Variants in RNPS1 observed in about 807,000 individuals in gnomAD.
RNPS1 encodes RNA binding protein with serine rich domain 1.
For synonymous variants in RNPS1, 147 were observed against 150.0 expected, an observed-to-expected ratio of 0.98 and a Z score of 0.15; for missense variants, 300 against 427.6, an observed-to-expected ratio of 0.70 and a Z score of 2.63.
chr16:2,267,528 C>G (rs191851339), intron 1 of RNPS1: 574 of 1,019,484 alleles, frequency 5.6e-4, no homozygotes, highest in Non-Finnish European at 6.6e-4. Context: ...GAAACGTTCG[C>G]GGAGTACACG....
chr16:2,254,099 A>G, intron 7 of RNPS1, 36 bp from the exon 8 acceptor site: 2 of 1,388,848 alleles, frequency 1.4e-6, no homozygotes, highest in South Asian at 1.5e-5. Context: ...AGAGTAGCTC[A>G]GGCTGTAGGG....
chr16:2,259,955 T>C (rs1219172215), intron 6 of RNPS1, among the ~76,000 whole-genome samples: 3 of 152,220 alleles, frequency 2.0e-5, no homozygotes, highest in Admixed American at 1.3e-4. Context: ...TAAACTGAAC[T>C]AATAGAACAC....
At chr16:2,263,060 C>CT (rs775997990) in intron 4 of RNPS1, 36 bp downstream of exon 4, 2 of 1,600,646 alleles carry the variant, frequency 1.2e-6, no homozygotes, top group South Asian at 1.1e-5. Context: ...TAGCCCCGAG[C>CT]TTGTAAACTT....
In RNPS1 at chr16:2,266,735, C is replaced by A. The variant is rs1596817296; in HGVS notation, c.-118+1320G>T. On this transcript the variant is annotated intron_variant, in intron 1 of 7. Transcript: ENST00000320225. ...GTCCAATAGAAACCGTGTGAGGAGC[C>A]ACAAGCATCACCTGAAATTCCTTAG... 3.0e-6 allele frequency: 3 copies of A among 984,264 alleles called. No homozygotes were observed. In the East Asian group the frequency reaches 3.4e-4, roughly 111 times the overall value. The allele number at this position is 984,264 out of a possible 1,614,324, so 61.0% of individuals were successfully genotyped here. A position where few individuals can be genotyped will look rare whatever the true frequency, so the allele number is the denominator to read the frequency against.
At chr16:2,261,982 G>C (rs2093604901) in intron 6 of RNPS1, among the ~76,000 whole-genome samples, 1 of 152,180 alleles carries the variant, frequency 6.6e-6, no homozygotes. Flanking sequence ...TATAAGCTCT[G>C]AAAAACTTTG....
chr16:2,264,949 G>A (rs1166691887), intron 1 of RNPS1, 189 bp from the exon 2 acceptor site: 8 of 318,970 alleles, frequency 2.5e-5, no homozygotes, highest in Non-Finnish European at 2.9e-5. Context: ...CGCAGAGGAG[G>A]CACAGGTACA....
At chr16:2,256,612 G>A (rs117651825) in intron 6 of RNPS1, 2,783 of 152,418 alleles carry the variant, frequency 0.018, 41 homozygotes, top group Non-Finnish European at 0.029. Flanking sequence ...TGGAAGAGAA[G>A]GGCTATGCTG....
rs181747248 is a variant in RNPS1, at chr16:2,254,548, C to T, written c.819-485G>A. The stretch of plus-strand genomic sequence containing the variant: ...TCCTGACCTCGTGTTCCGCCCACCT[C>T]GGCCTCCCAAAGTGCTGGGATTACA... On this transcript the variant is annotated intron_variant, in intron 7 of 7. Coordinates refer to ENST00000320225, the MANE Select transcript of RNPS1 (RefSeq NM_080594.4). 1.4e-3 allele frequency among the ~76,000 whole-genome samples: 213 copies of T among 152,114 alleles called. 1 individual carries two copies. The highest frequency in any genetic ancestry group is 8.5e-3 in the South Asian group (41 of 4,816).
At chr16:2,254,345 C>G (rs1357704903) in intron 7 of RNPS1, among the ~76,000 whole-genome samples, 1 of 151,856 alleles carries the variant, frequency 6.6e-6, no homozygotes, top group East Asian at 1.9e-4. Flanking sequence ...GGGTCTCACT[C>G]TGTTGCCCAG....
chr16:2,262,297 C>T lies in RNPS1; in HGVS notation c.657G>A (p.Ala219=), dbSNP rs762351546. Residue 219 remains alanine, a synonymous_variant, in exon 6 of 8, where the codon GCG becomes GCA. Transcript: ENST00000320225. ...ACCCACCTCCATCCATGTGCTTCAG[C>T]GCCTTCTCGGCTTCATCTGGATTCT... ...EFENPDEAEK[A]LKHMDGGQID... The T allele has an allele frequency of 2.2e-5, 36 of 1,612,978 alleles. No individual in the cohort carries two copies. In the South Asian group the frequency reaches 2.7e-4, roughly 12 times the overall value.
intron 1 of RNPS1, chr16:2,267,671 C>G: frequency 8.7e-7 from 1 of 1,148,752 alleles, no homozygotes; most frequent in South Asian, 2.7e-5. Context: ...ACAACTCCCC[C>G]GTCCAGGCGC....
chr16:2,257,431 G>A (rs1345600204), intron 6 of RNPS1: 2 of 152,038 alleles, frequency 1.3e-5, no homozygotes, highest in African/African-American at 2.4e-5. Context: ...TAATAATGAA[G>A]AAAAATCCAT....
intron 1 of RNPS1, chr16:2,267,442 G>A (rs1596818249): frequency 1.0e-6 from 1 of 968,894 alleles, no homozygotes; most frequent in South Asian, 4.7e-5. Flanking sequence ...ATCAAACTGA[G>A]CTCGGCCACC....
Position 2,253,744 on chromosome 16 carries a change from C to A in RNPS1, c.*220G>T. The A allele has an allele frequency of 1.5e-6, 1 of 663,314 alleles. No homozygotes were observed. Among genetic ancestry groups the A allele is most frequent in the South Asian group, 1.6e-5 (1 of 61,320 alleles). The allele number at this position is 663,314 out of a possible 1,614,324, so 41.1% of individuals were successfully genotyped here. On this transcript the variant is annotated 3_prime_UTR_variant, in exon 8 of 8. Transcript: ENST00000320225. The stretch of plus-strand genomic sequence containing the variant: ...TAGAAACCGGAAACGGATGAGCTTT[C>A]TAGCCAGAAAACCGGAGGGAATCTT...
intron 7 of RNPS1, among the ~76,000 whole-genome samples, chr16:2,254,808 C>A (rs2093570065): frequency 7.3e-6 from 1 of 136,578 alleles, no homozygotes; most frequent in African/African-American, 2.8e-5. Flanking sequence ...GTGGCATGAT[C>A]TTGGCTCACT....
chr16:2,264,154 G>A lies in RNPS1; in HGVS notation c.227+22C>T, dbSNP rs191186519. 1.9e-5 allele frequency: 30 copies of A among 1,611,860 alleles called. No homozygotes were observed. The African/African-American group carries it at 3.7e-4, about 20-fold the overall frequency. On this transcript the variant is annotated intron_variant, in intron 3 of 7. Coordinates refer to ENST00000320225, the MANE Select transcript of RNPS1 (RefSeq NM_080594.4). The stretch of plus-strand genomic sequence containing the variant: ...TAGCTGTGGCACAGGTCCTCTCCAG[G>A]CTCCAGGCCAGCCCGCCCCACCTGG...
chr16:2,267,462 C>T, intron 1 of RNPS1: 1 of 969,882 alleles, frequency 1.0e-6, no homozygotes, highest in Non-Finnish European at 1.2e-6. Context: ...CGTGCTCGGT[C>T]CATAGTGGGC....
At chr16:2,265,405 G>T (rs2093621070) in intron 1 of RNPS1, 1 of 151,426 alleles carries the variant, frequency 6.6e-6, no homozygotes, top group Non-Finnish European at 1.5e-5. Flanking sequence ...CACTTTTAAA[G>T]AAAAAATAAG....
intron 1 of RNPS1, chr16:2,267,473 C>A (rs1567330853): frequency 1.0e-6 from 1 of 980,680 alleles, no homozygotes; most frequent in Non-Finnish European, 1.2e-6. Context: ...CATAGTGGGC[C>A]GTATCCCCAC....
Sources: allele counts gnomAD v4.1 joint callset (sites outside exome capture counted in the v4.1 genomes callset), GRCh38; gene constraint gnomAD v4.1.1; transcripts MANE v1.5; gene names NCBI Gene and HGNC (gene_info 2026-07-23, HGNC 2026-07-21).